Variants in PARD3 observed in about 807,000 individuals in gnomAD.
PARD3 encodes partitioning defective 3 homolog.
A neutral mutation model predicts 155.4 loss-of-function variants in PARD3; 75 were observed. The ratio of observed to expected loss-of-function variants is 0.48; its 90% confidence interval spans 0.40 to 0.58. PARD3 has a LOEUF of 0.58. PARD3 is among the 20% of genes least tolerant of loss of function. The probability of loss-of-function intolerance (pLI) is 0.00; values close to 1 mark genes in which losing one functional copy is unlikely to be tolerated. For missense variants in PARD3, 1,642 were observed against 1,721.7 expected, an observed-to-expected ratio of 0.95 and a Z score of 0.82; for synonymous variants, 576 against 610.5, an observed-to-expected ratio of 0.94 and a Z score of 0.83.
chr10:34,369,017 CT>C (rs529159710), intron 12 of PARD3, among the ~76,000 whole-genome samples: 6,383 of 144,968 alleles, frequency 0.044, 439 homozygotes, highest in African/African-American at 0.16. Flanking sequence ...TGTAGCTTAG[CT>C]TTTTTTTTTC....
chr10:34,695,477 C>CAA (rs60331770), intron 2 of PARD3, among the ~76,000 whole-genome samples: 1,542 of 109,312 alleles, frequency 0.014, 25 homozygotes, highest in South Asian at 0.022. Flanking sequence ...GACTCCATCT[C>CAA]AAAAAAAAAA....
At chr10:34,620,899 T>C (rs2091626441) in intron 2 of PARD3, among the ~76,000 whole-genome samples, 1 of 152,258 alleles carries the variant, frequency 6.6e-6, no homozygotes, top group Admixed American at 6.5e-5. Context: ...TGCCACATTT[T>C]GCTACATGTG....
intron 12 of PARD3, among the ~76,000 whole-genome samples, chr10:34,362,481 G>A (rs1168352049): frequency 6.6e-6 from 1 of 151,990 alleles, no homozygotes; most frequent in African/African-American, 2.4e-5. Context: ...GGTCCATGTA[G>A]CTCAAAACAA....
At chr10:34,279,193 C>CTGGAG (rs1239728002) in intron 21 of PARD3, among the ~76,000 whole-genome samples, 1 of 122,118 alleles carries the variant, frequency 8.2e-6, no homozygotes, top group East Asian at 2.5e-4. Context: ...GTCACAAAAG[C>CTGGAG]TGGAGGGCAG....
chr10:34,587,046 T>C (rs1273289600), intron 2 of PARD3, among the ~76,000 whole-genome samples: 3 of 152,194 alleles, frequency 2.0e-5, no homozygotes, highest in Non-Finnish European at 2.9e-5. Flanking sequence ...GACATCCTAA[T>C]GCCCAGCATG....
chr10:34,792,251 C>A (rs1841738815), intron 1 of PARD3, among the ~76,000 whole-genome samples: 1 of 152,144 alleles, frequency 6.6e-6, no homozygotes, highest in African/African-American at 2.4e-5. Flanking sequence ...TCTACAGGCT[C>A]TTCCCTGTAG....
intron 2 of PARD3, among the ~76,000 whole-genome samples, chr10:34,596,755 G>A (rs566244865): frequency 2.0e-5 from 3 of 152,322 alleles, no homozygotes; most frequent in East Asian, 1.9e-4. Flanking sequence ...GGCGCTGGGA[G>A]GATGAGACAG....
At chr10:34,125,405 A>G (rs1214995008) in intron 23 of PARD3, among the ~76,000 whole-genome samples, 1 of 152,178 alleles carries the variant, frequency 6.6e-6, no homozygotes, top group Non-Finnish European at 1.5e-5. Context: ...CCACCCAACT[A>G]GAGCTAGGGT....
chr10:34,421,864 T>C (rs908232842), intron 5 of PARD3, among the ~76,000 whole-genome samples: 2 of 152,114 alleles, frequency 1.3e-5, no homozygotes, highest in African/African-American at 4.8e-5. Context: ...GACCTGGGAA[T>C]ACAGAAATTT....
chr10:34,495,894 A>AT (rs2080249377), intron 3 of PARD3, among the ~76,000 whole-genome samples: 1 of 151,590 alleles, frequency 6.6e-6, no homozygotes, highest in Non-Finnish European at 1.5e-5. Flanking sequence ...AAACCAACTT[A>AT]TTTTTTCTGA....
At chr10:34,375,053 A>AACACACAC (rs35263377) in intron 10 of PARD3, 51 bp from the exon 11 acceptor site, 8,294 of 782,420 alleles carry the variant, frequency 0.011, 194 homozygotes, top group African/African-American at 0.091. Context: ...ACAACAGGAA[A>AACACACAC]ACACACACAC....
intron 22 of PARD3, among the ~76,000 whole-genome samples, chr10:34,140,055 T>C (rs983043289): frequency 4.6e-5 from 7 of 152,218 alleles, no homozygotes; most frequent in African/African-American, 1.7e-4. Context: ...AGGTTTCTCA[T>C]TAAACCCATT....
chr10:34,290,413 C>T (rs1356966605), intron 20 of PARD3, among the ~76,000 whole-genome samples: 2 of 152,144 alleles, frequency 1.3e-5, no homozygotes, highest in African/African-American at 4.8e-5. Flanking sequence ...TGCTAATTAC[C>T]TAGGTCTTCA....
At chr10:34,604,621 T>A (rs1026298353) in intron 2 of PARD3, among the ~76,000 whole-genome samples, 15 of 148,270 alleles carry the variant, frequency 1.0e-4, no homozygotes, top group Non-Finnish European at 1.5e-4. Context: ...ATATGATACA[T>A]AAAGATGTAT....
chr10:34,160,509 T>G (rs548042217), intron 22 of PARD3, among the ~76,000 whole-genome samples: 1 of 152,240 alleles, frequency 6.6e-6, no homozygotes, highest in East Asian at 1.9e-4. Context: ...GCTAAAATAA[T>G]GGGCAATTGA....
chr10:34,726,903 T>C lies in PARD3; in HGVS notation c.121-30484A>G, dbSNP rs545757973. Among the ~76,000 whole-genome samples the C allele has an allele frequency of 1.2e-4, 19 of 152,320 alleles. No individual in the cohort carries two copies. The East Asian group carries it at 3.3e-3, about 26-fold the overall frequency. On this transcript the variant is annotated intron_variant, in intron 1 of 24. Coordinates refer to ENST00000374788, the MANE Select transcript of PARD3 (RefSeq NM_001184785.2). ...TCTCCTCTGACCACAGAGCCCTCTA[T>C]TGTCAGCAACTTTCTACCCTTTTCT...
intron 1 of PARD3, among the ~76,000 whole-genome samples, chr10:34,702,677 C>A (rs1247030278): frequency 6.6e-6 from 1 of 152,218 alleles, no homozygotes; most frequent in Non-Finnish European, 1.5e-5. Flanking sequence ...CTTATCCCCC[C>A]AAGGCTAGAG....
rs1047722640 is a variant in PARD3, at chr10:34,215,033, C to T, written c.3419+54624G>A. Among the ~76,000 whole-genome samples, 10 of 152,280 alleles carry T rather than the reference C, an allele frequency of 6.6e-5. No homozygotes were observed. In the South Asian group the frequency reaches 1.0e-3, roughly 16 times the overall value. ...AGAGCCCTCTCACCTATTGGCATTC[C>T]GGGCATCTTGCATCAATCCTGCAAT... On this transcript the variant is annotated intron_variant, in intron 22 of 24. Transcript: ENST00000374788.
At chr10:34,729,004 G>A (rs2094768809) in intron 1 of PARD3, among the ~76,000 whole-genome samples, 1 of 152,150 alleles carries the variant, frequency 6.6e-6, no homozygotes, top group Non-Finnish European at 1.5e-5. Context: ...ACTGCCTGCA[G>A]TATTCAGGAC....
Sources: gnomAD v4.1 joint callset for allele counts (sites outside exome capture counted in the v4.1 genomes callset) on GRCh38, gnomAD v4.1.1 for gene constraint, MANE v1.5 for transcripts, NCBI Gene and HGNC (gene_info 2026-07-23, HGNC 2026-07-21) for gene names.